The following MYOZ2 variants were observed in gnomAD, a reference collection of about 807,000 sequenced individuals.
The protein encoded by MYOZ2 is myozenin 2, also known as myozenin-2.
Under a neutral mutation model 25.4 loss-of-function variants are expected in MYOZ2, and 19 were observed. The observed-to-expected ratio is 0.75, with a 90% CI of 0.52 to 1.10. The LOEUF is 1.10. Among genes scored for constraint, MYOZ2 ranks in the 50% least tolerant of loss-of-function variants. The pLI, the probability that MYOZ2 is intolerant of heterozygous loss-of-function variation, is 0.00. For synonymous variants in MYOZ2, 92 were observed against 106.9 expected, an observed-to-expected ratio of 0.86 and a Z score of 0.86; for missense variants, 270 against 317.9, an observed-to-expected ratio of 0.85 and a Z score of 1.15.
intron 3 of MYOZ2, among the ~76,000 whole-genome samples, chr4:119,152,734 A>G (rs1741481555): frequency 6.6e-6 from 1 of 152,218 alleles, no homozygotes; most frequent in Non-Finnish European, 1.5e-5. Context: ...ATAATTAAAT[A>G]TTGATAAATA....
In MYOZ2 at chr4:119,164,249, T is replaced by A. The variant is rs1578738408; in HGVS notation, c.415T>A (p.Phe139Ile). The A allele has an allele frequency of 1.9e-6, 3 of 1,614,012 alleles. No individual in the cohort carries two copies. The highest frequency in any genetic ancestry group is 2.7e-5 in the African/African-American group (2 of 75,028). ...ACTGAAGGAAATTCCTCCTGAAAAA[T>A]TCAACACCACAGCTGTCCCTAAGTA... Reference protein sequence around the residue: ...GPLKEIPPEKFNTTAVPKYYQ... With the variant: ...GPLKEIPPEKINTTAVPKYYQ... Residue 139 changes from phenylalanine (F) to isoleucine (I), a missense_variant, in exon 5 of 6, where the codon TTC (phenylalanine) becomes ATC (isoleucine). Phe to Ile is a conservative substitution (Grantham distance 21, BLOSUM62 0). Transcript: ENST00000307128.
intron 2 of MYOZ2, among the ~76,000 whole-genome samples, chr4:119,140,074 A>G (rs1386943651): frequency 1.3e-5 from 2 of 152,190 alleles, no homozygotes; most frequent in Non-Finnish European, 2.9e-5. Context: ...CAGATTTCAC[A>G]CAGAAAATGA....
chr4:119,137,816 C>T (rs1009653014), intron 2 of MYOZ2, among the ~76,000 whole-genome samples: 6 of 152,118 alleles, frequency 3.9e-5, no homozygotes, highest in Non-Finnish European at 5.9e-5. Context: ...AAATTTCATG[C>T]ATCTTTGTGT....
intron 5 of MYOZ2, among the ~76,000 whole-genome samples, chr4:119,177,184 T>C (rs1742092384): frequency 6.6e-6 from 1 of 152,234 alleles, no homozygotes; most frequent in African/African-American, 2.4e-5. Flanking sequence ...ATTTTGTAGT[T>C]CGCCATTATG....
chr4:119,145,227 C>A (rs887097561), intron 2 of MYOZ2, among the ~76,000 whole-genome samples: 4 of 151,008 alleles, frequency 2.6e-5, no homozygotes, highest in Non-Finnish European at 2.9e-5. Flanking sequence ...ATATAAAATT[C>A]TTTTCATATA....
chr4:119,163,410 C>T (rs1404066601), intron 4 of MYOZ2, among the ~76,000 whole-genome samples: 1 of 152,064 alleles, frequency 6.6e-6, no homozygotes, highest in African/African-American at 2.4e-5. Flanking sequence ...GGTAATATGG[C>T]AGTGTAAACA....
At chr4:119,181,397 G>A (rs745595220) in intron 5 of MYOZ2, among the ~76,000 whole-genome samples, 2 of 151,960 alleles carry the variant, frequency 1.3e-5, no homozygotes, top group African/African-American at 2.4e-5. Context: ...CTGGACTCTA[G>A]TTTATTTTAC....
intron 2 of MYOZ2, among the ~76,000 whole-genome samples, chr4:119,147,815 C>T (rs1486568930): frequency 1.3e-5 from 2 of 150,988 alleles, no homozygotes; most frequent in African/African-American, 4.9e-5. Context: ...TTAAGTATTT[C>T]TTCTACATAC....
chr4:119,161,888 A>C (rs1167122633), intron 4 of MYOZ2, among the ~76,000 whole-genome samples: 2 of 152,166 alleles, frequency 1.3e-5, no homozygotes, highest in African/African-American at 2.4e-5. Context: ...AAAATACACA[A>C]AACTAAATAC....
At position 119,164,405 on chromosome 4, in the gene MYOZ2, G is replaced by T. The variant is rs758124408; in HGVS notation, c.560+11G>T. Reference sequence around the variant, plus strand: ...CAGGAGCTTTAACAGGTAATTCAATGGTCCTGGGTGACACTGTTGGCATGC... The same window carrying T: ...CAGGAGCTTTAACAGGTAATTCAATTGTCCTGGGTGACACTGTTGGCATGC... On this transcript the variant is annotated intron_variant, in intron 5 of 5. Transcript: ENST00000307128. 5 of 1,613,792 alleles carry T rather than the reference G, an allele frequency of 3.1e-6. No homozygotes were observed. The highest frequency in any genetic ancestry group is 4.2e-6 in the Non-Finnish European group (5 of 1,179,796).
intron 2 of MYOZ2, among the ~76,000 whole-genome samples, chr4:119,139,520 T>C (rs1741113672): frequency 6.6e-6 from 1 of 152,170 alleles, no homozygotes. Flanking sequence ...TTTTCTCTTG[T>C]TCAGTATCTC....
intron 5 of MYOZ2, among the ~76,000 whole-genome samples, chr4:119,179,265 T>G (rs1352462879): frequency 2.6e-5 from 4 of 152,196 alleles, no homozygotes; most frequent in African/African-American, 9.7e-5. Context: ...AATAGACTCC[T>G]TCTCACCTTG....
chr4:119,141,271 T>G (rs567621634), intron 2 of MYOZ2, among the ~76,000 whole-genome samples: 41 of 152,340 alleles, frequency 2.7e-4, no homozygotes, highest in African/African-American at 9.6e-4. Flanking sequence ...CTACAATTAT[T>G]TGTAAGTGAG....
chr4:119,149,834 A>G (rs541638139), intron 2 of MYOZ2, among the ~76,000 whole-genome samples: 97 of 152,348 alleles, frequency 6.4e-4, no homozygotes, highest in Non-Finnish European at 1.1e-3. Context: ...AAAACAAAAC[A>G]GGTAAACTAA....
chr4:119,185,611 G>A (rs7678138), intron 5 of MYOZ2, among the ~76,000 whole-genome samples: 18,358 of 152,216 alleles, frequency 0.12, 1,223 homozygotes, highest in African/African-American at 0.13. Context: ...CACCACGCCC[G>A]GCCTAGAAAT....
At chr4:119,151,110 G>A in intron 3 of MYOZ2, 69 bp downstream of exon 3, 1 of 1,458,398 alleles carries the variant, frequency 6.9e-7, no homozygotes, top group South Asian at 1.1e-5. Flanking sequence ...TTTATGACTA[G>A]TTTCTGAAGG....
In MYOZ2 at chr4:119,169,838, T is replaced by G. The variant is rs182772798; in HGVS notation, c.560+5444T>G. Among the ~76,000 whole-genome samples the G allele has an allele frequency of 3.5e-3, 526 of 152,304 alleles. 3 individuals are homozygous for G. Among genetic ancestry groups the G allele is most frequent in the Admixed American group, 0.011 (174 of 15,298 alleles). On this transcript the variant is annotated intron_variant, in intron 5 of 5. Transcript: ENST00000307128. ...GCCTTCATAAAACTAAATATTGCTCTCAACCAACAAAATCTTAGATTGGAT... is the reference window on the plus strand; with the variant it reads ...GCCTTCATAAAACTAAATATTGCTCGCAACCAACAAAATCTTAGATTGGAT...
At chr4:119,180,205 C>T (rs1742159395) in intron 5 of MYOZ2, among the ~76,000 whole-genome samples, 1 of 152,118 alleles carries the variant, frequency 6.6e-6, no homozygotes, top group Non-Finnish European at 1.5e-5. Flanking sequence ...ATTTTTTCTC[C>T]AGTGCTCTAT....
At chr4:119,183,821 T>A (rs1742238229) in intron 5 of MYOZ2, among the ~76,000 whole-genome samples, 1 of 151,200 alleles carries the variant, frequency 6.6e-6, no homozygotes, top group African/African-American at 2.4e-5. Context: ...TGTCTTTTTT[T>A]TTTTTTTTCC....
Sources: allele counts gnomAD v4.1 joint callset (sites outside exome capture counted in the v4.1 genomes callset), GRCh38; gene constraint gnomAD v4.1.1; transcripts MANE v1.5; gene names NCBI Gene and HGNC (gene_info 2026-07-23, HGNC 2026-07-21).